The following TPD52 variants were observed in gnomAD, a reference collection of about 807,000 sequenced individuals.
The protein encoded by TPD52 is tumor protein D52.
TPD52 carries 17 observed loss-of-function variants against 31.3 expected under a neutral mutation model. The ratio of observed to expected loss-of-function variants is 0.54; its 90% confidence interval spans 0.37 to 0.82. TPD52 has a LOEUF of 0.82. TPD52 is among the 40% of genes least tolerant of loss of function. TPD52 has a pLI of 0.00. For missense variants in TPD52, 212 were observed against 240.1 expected, an observed-to-expected ratio of 0.88 and a Z score of 0.77; for synonymous variants, 83 against 89.6, an observed-to-expected ratio of 0.93 and a Z score of 0.42.
intron 1 of TPD52, among the ~76,000 whole-genome samples, chr8:80,138,527 C>G (rs1809600523): frequency 6.6e-6 from 1 of 152,110 alleles, no homozygotes. Context: ...CTATATGCAT[C>G]TAGGGAGTTG....
chr8:80,081,459 G>T (rs2093681904), intron 1 of TPD52, among the ~76,000 whole-genome samples: 1 of 151,882 alleles, frequency 6.6e-6, no homozygotes. Flanking sequence ...GCTCCTGCTG[G>T]TTCTACTAAG....
intron 1 of TPD52, among the ~76,000 whole-genome samples, chr8:80,097,509 A>G (rs1054191268): frequency 6.6e-6 from 1 of 152,194 alleles, no homozygotes; most frequent in East Asian, 1.9e-4. Context: ...TGTTCTCACA[A>G]TAGTGAGTTC....
rs929771234 is a variant in TPD52 at position 80,098,629 on chromosome 8, T to C, written c.20-34036A>G. 2.6e-5 allele frequency among the ~76,000 whole-genome samples: 4 copies of C among 152,336 alleles called. No homozygotes were observed. In the East Asian group the frequency reaches 5.8e-4, roughly 22 times the overall value. On this transcript the variant is annotated intron_variant, in intron 1 of 7. Coordinates refer to ENST00000518937, the MANE Select transcript of TPD52 (RefSeq NM_001025253.3). ...TGAAGGGATAAGGAGTTGCTTCTTA[T>C]AGATGAGCAAAGATGAAATCTACTC...
intron 1 of TPD52, among the ~76,000 whole-genome samples, chr8:80,095,946 CTACA>C (rs35841969): frequency 6.6e-6 from 1 of 150,384 alleles, no homozygotes; most frequent in South Asian, 2.1e-4. Flanking sequence ...GACTCCATCT[CTACA>C]TACATACATA....
intron 1 of TPD52, among the ~76,000 whole-genome samples, chr8:80,078,978 G>C (rs1016071200): frequency 6.6e-6 from 1 of 152,064 alleles, no homozygotes; most frequent in Non-Finnish European, 1.5e-5. Context: ...ATCTTCCTGG[G>C]AATCTGGATG....
intron 1 of TPD52, among the ~76,000 whole-genome samples, chr8:80,140,252 C>CT (rs1012822525): frequency 1.1e-4 from 17 of 152,156 alleles, no homozygotes; most frequent in African/African-American, 4.1e-4. Flanking sequence ...CTACCTGTGC[C>CT]TTTCCCAAAT....
chr8:80,055,668 A>T (rs1265178150), intron 2 of TPD52, among the ~76,000 whole-genome samples: 1 of 152,250 alleles, frequency 6.6e-6, no homozygotes, highest in Non-Finnish European at 1.5e-5. Flanking sequence ...TCCAAAATAT[A>T]CAAGGAACTC....
intron 2 of TPD52, among the ~76,000 whole-genome samples, chr8:80,063,523 C>G (rs901311014): frequency 1.3e-5 from 2 of 152,108 alleles, no homozygotes; most frequent in Non-Finnish European, 2.9e-5. Context: ...GAATTATACT[C>G]GTTAATTTTT....
At chr8:80,047,604 A>G (rs1810996248) in intron 5 of TPD52, among the ~76,000 whole-genome samples, 3 of 152,232 alleles carry the variant, frequency 2.0e-5, no homozygotes, top group Admixed American at 2.0e-4. Context: ...GAATGAATAA[A>G]TGAATAAACA....
chr8:80,064,392 TA>T, intron 2 of TPD52, 85 bp downstream of exon 2: 1 of 1,099,782 alleles, frequency 9.1e-7, no homozygotes, highest in Non-Finnish European at 1.4e-6. Flanking sequence ...GAACTAACTA[TA>T]AACATATCAC....
At chr8:80,147,989 G>C (rs1413178061) in intron 1 of TPD52, among the ~76,000 whole-genome samples, 1 of 152,100 alleles carries the variant, frequency 6.6e-6, no homozygotes, top group African/African-American at 2.4e-5. Context: ...ATAAGGTTTA[G>C]AGACATCTAT....
chr8:80,142,039 C>CT (rs1809868031), intron 1 of TPD52, among the ~76,000 whole-genome samples: 1 of 151,854 alleles, frequency 6.6e-6, no homozygotes. Context: ...CTAGGTCTAT[C>CT]AAAATTCTGA....
chr8:80,126,933 C>CTATGTA (rs1808655905), intron 1 of TPD52, among the ~76,000 whole-genome samples: 2 of 151,898 alleles, frequency 1.3e-5, no homozygotes. Context: ...CATAGAGAAA[C>CTATGTA]CCTGTCTCTA....
chr8:80,088,311 G>T (rs1466431125), intron 1 of TPD52, among the ~76,000 whole-genome samples: 1 of 152,194 alleles, frequency 6.6e-6, no homozygotes, highest in Non-Finnish European at 1.5e-5. Context: ...GGAAGAACTC[G>T]AATGGAGGCT....
chr8:80,058,893 G>C (rs185196271), intron 2 of TPD52, among the ~76,000 whole-genome samples: 1 of 152,030 alleles, frequency 6.6e-6, no homozygotes, highest in African/African-American at 2.4e-5. Context: ...ATAAAACTTT[G>C]GGCGAAAAAA....
intron 1 of TPD52, among the ~76,000 whole-genome samples, chr8:80,105,938 C>T (rs1807080173): frequency 6.6e-6 from 1 of 151,864 alleles, no homozygotes; most frequent in Admixed American, 6.6e-5. Context: ...CGCCATGTAC[C>T]CTTATGTCTT....
intron 1 of TPD52, among the ~76,000 whole-genome samples, chr8:80,086,745 G>A (rs1361948074): frequency 2.0e-5 from 3 of 151,696 alleles, no homozygotes; most frequent in Admixed American, 1.3e-4. Context: ...GGGGGGGCAC[G>A]TGCCTGCAGT....
At chr8:80,161,905 T>C (rs1811391930) in intron 1 of TPD52, among the ~76,000 whole-genome samples, 1 of 151,904 alleles carries the variant, frequency 6.6e-6, no homozygotes, top group Non-Finnish European at 1.5e-5. Flanking sequence ...AATTTTATAT[T>C]TTTTGTAGAG....
In TPD52 at chr8:80,089,519, G is replaced by A. The variant is rs909816319; in HGVS notation, c.20-24926C>T. 3.9e-5 allele frequency among the ~76,000 whole-genome samples: 6 copies of A among 152,176 alleles called. No individual in the cohort carries two copies. The South Asian group carries it at 1.0e-3, about 26-fold the overall frequency. Reference sequence around the variant, plus strand: ...CCTCAGGGAAAAAGTTAGGGGCTAAGATATAAAATGTGGGAAACCCAGAGA... The same window carrying A: ...CCTCAGGGAAAAAGTTAGGGGCTAAAATATAAAATGTGGGAAACCCAGAGA... On this transcript the variant is annotated intron_variant, in intron 1 of 7. Coordinates refer to ENST00000518937, the MANE Select transcript of TPD52 (RefSeq NM_001025253.3).
Sources: gnomAD v4.1 joint callset for allele counts (sites outside exome capture counted in the v4.1 genomes callset) on GRCh38, gnomAD v4.1.1 for gene constraint, MANE v1.5 for transcripts, NCBI Gene and HGNC (gene_info 2026-07-23, HGNC 2026-07-21) for gene names.